The following PTPRM variants were observed in gnomAD, a reference collection of about 807,000 sequenced individuals.
PTPRM encodes the protein receptor-type tyrosine-protein phosphatase mu.
Under a neutral mutation model 186.7 loss-of-function variants are expected in PTPRM, and 47 were observed. That is an observed-to-expected ratio of 0.25 (90% CI 0.20 to 0.32). The LOEUF is 0.32. Ranked by LOEUF, PTPRM falls within the 10% of genes least tolerant of loss-of-function variation. The probability of loss-of-function intolerance (pLI) is 1.00; values close to 1 mark genes in which losing one functional copy is unlikely to be tolerated. For missense variants in PTPRM, 1,494 were observed against 1,865.0 expected (o/e 0.80, Z 3.66); for synonymous variants, 668 against 674.9 (o/e 0.99, Z 0.16).
intron 9 of PTPRM, among the ~76,000 whole-genome samples, chr18:8,078,532 A>G (rs1160776428): frequency 6.6e-6 from 1 of 152,226 alleles, no homozygotes; most frequent in African/African-American, 2.4e-5. Context: ...TTAGTAACCA[A>G]TGACACAGGT....
At chr18:8,086,245 T>C (rs928064946) in intron 10 of PTPRM, among the ~76,000 whole-genome samples, 2 of 152,114 alleles carry the variant, frequency 1.3e-5, no homozygotes, top group Admixed American at 6.6e-5. Context: ...AAGACAGTCA[T>C]ATAGAGTCTG....
intron 27 of PTPRM, among the ~76,000 whole-genome samples, 161 bp downstream of exon 27, chr18:8,378,575 T>G (rs1254975507): frequency 6.6e-6 from 1 of 152,086 alleles, no homozygotes; most frequent in Non-Finnish European, 1.5e-5. Context: ...CCAGGAGACG[T>G]CTATGGTATC....
chr18:8,100,490 G>T (rs549010923), intron 11 of PTPRM, among the ~76,000 whole-genome samples: 127 of 152,238 alleles, frequency 8.3e-4, no homozygotes, highest in African/African-American at 3.0e-3. Flanking sequence ...CTCAGAGTGA[G>T]ATATCACTTA....
chr18:7,963,803 G>A (rs971459513), intron 7 of PTPRM, among the ~76,000 whole-genome samples: 7 of 152,124 alleles, frequency 4.6e-5, no homozygotes, highest in African/African-American at 1.4e-4. Flanking sequence ...GTCATCAGTC[G>A]CTGTCAGAGG....
intron 2 of PTPRM, among the ~76,000 whole-genome samples, chr18:7,850,654 AT>A (rs2046816416): frequency 6.6e-6 from 1 of 152,186 alleles, no homozygotes; most frequent in African/African-American, 2.4e-5. Flanking sequence ...CTGAGAAGTG[AT>A]TTCTCACAGT....
intron 30 of PTPRM, among the ~76,000 whole-genome samples, chr18:8,386,015 G>A (rs915906878): frequency 6.6e-6 from 1 of 152,068 alleles, no homozygotes; most frequent in Non-Finnish European, 1.5e-5. Flanking sequence ...TTCCTGTCCT[G>A]AGAGCTAGGA....
intron 7 of PTPRM, among the ~76,000 whole-genome samples, chr18:8,007,159 T>C (rs907070336): frequency 6.6e-6 from 1 of 152,236 alleles, no homozygotes; most frequent in Non-Finnish European, 1.5e-5. Context: ...CAAGTGCCAG[T>C]GGTTTTTATG....
chr18:8,229,579 A>G (rs1488213983), intron 14 of PTPRM, among the ~76,000 whole-genome samples: 1 of 152,164 alleles, frequency 6.6e-6, no homozygotes, highest in Admixed American at 6.5e-5. Flanking sequence ...TTTTGTTGCC[A>G]TAAATAACAT....
At chr18:7,734,392 A>T (rs1010809712) in intron 1 of PTPRM, among the ~76,000 whole-genome samples, 1 of 152,234 alleles carries the variant, frequency 6.6e-6, no homozygotes, top group Non-Finnish European at 1.5e-5. Flanking sequence ...ATTTTGGCTT[A>T]TCTAATAAAT....
chr18:7,736,719 A>G (rs181776233), intron 1 of PTPRM, among the ~76,000 whole-genome samples: 245 of 152,320 alleles, frequency 1.6e-3, no homozygotes, highest in Non-Finnish European at 2.9e-3. Flanking sequence ...GAGTTTCACA[A>G]TGTTCTTCTA....
chr18:8,249,073 A>G (rs1301835538), intron 17 of PTPRM, among the ~76,000 whole-genome samples: 1 of 152,156 alleles, frequency 6.6e-6, no homozygotes, highest in African/African-American at 2.4e-5. Flanking sequence ...CCTTTCCGAA[A>G]AGGAGCACAA....
rs2086141644 is a variant in PTPRM, at chr18:8,033,650, TAC to T, written c.1133-36032_1133-36031del. Among the ~76,000 whole-genome samples the T allele has an allele frequency of 7.9e-5, 12 of 152,346 alleles. No individual in the cohort carries two copies. The South Asian group carries it at 2.5e-3, about 32-fold the overall frequency. Reference sequence around the variant, plus strand: ...GTAATCTTATGGGACCACTGTCTTATACACAGTTTGTCATTGACCAAAATACC... The same window carrying T: ...GTAATCTTATGGGACCACTGTCTTATACAGTTTGTCATTGACCAAAATACC... On this transcript the variant is annotated intron_variant, in intron 7 of 32. Transcript: ENST00000580170.
intron 6 of PTPRM, 81 bp from the exon 7 acceptor site, chr18:7,955,040 T>C: frequency 7.3e-7 from 1 of 1,360,618 alleles, no homozygotes; most frequent in Non-Finnish European, 9.9e-7. Context: ...ATCTTCTACA[T>C]TTTAATAATT....
At chr18:8,374,295 C>A (rs745339152) in intron 24 of PTPRM, among the ~76,000 whole-genome samples, 1 of 152,172 alleles carries the variant, frequency 6.6e-6, no homozygotes, top group Non-Finnish European at 1.5e-5. Context: ...GAGAGAGAAG[C>A]ACACCCCATG....
chr18:7,685,343 T>C (rs2039577227), intron 1 of PTPRM, among the ~76,000 whole-genome samples: 1 of 152,224 alleles, frequency 6.6e-6, no homozygotes. Flanking sequence ...AAAGAAATTT[T>C]AACTAAAGTA....
intron 2 of PTPRM, among the ~76,000 whole-genome samples, chr18:7,879,545 G>A (rs1468767610): frequency 6.6e-6 from 1 of 152,132 alleles, no homozygotes; most frequent in Non-Finnish European, 1.5e-5. Context: ...AAAGTGACTA[G>A]TTAAGGTGAA....
intron 1 of PTPRM, among the ~76,000 whole-genome samples, chr18:7,683,893 C>T (rs896716595): frequency 6.6e-6 from 1 of 151,992 alleles, no homozygotes; most frequent in African/African-American, 2.4e-5. Flanking sequence ...TTGGGGGAAT[C>T]CAGTTGCTTG....
chr18:7,973,322 C>T (rs1449722692), intron 7 of PTPRM, among the ~76,000 whole-genome samples: 1 of 152,126 alleles, frequency 6.6e-6, no homozygotes, highest in African/African-American at 2.4e-5. Context: ...TTACTTTCTA[C>T]AAGGCTCTAT....
At chr18:7,963,790 C>A (rs1305957899) in intron 7 of PTPRM, among the ~76,000 whole-genome samples, 2 of 152,170 alleles carry the variant, frequency 1.3e-5, no homozygotes, top group Non-Finnish European at 2.9e-5. Flanking sequence ...AGGGATCTGA[C>A]AGGTCATCAG....
Sources: allele counts gnomAD v4.1 joint callset (sites outside exome capture counted in the v4.1 genomes callset), GRCh38; gene constraint gnomAD v4.1.1; transcripts MANE v1.5; gene names NCBI Gene and HGNC (gene_info 2026-07-23, HGNC 2026-07-21).